The following NEB variants were observed in gnomAD, a reference collection of about 807,000 sequenced individuals.
NEB encodes nebulin, also known as nemaline myopathy type 2.
A neutral mutation model predicts 952.2 loss-of-function variants in NEB; 512 were observed. The observed-to-expected ratio is 0.54, with a 90% CI of 0.50 to 0.58. The LOEUF is 0.58. Among genes scored for constraint, NEB ranks in the 20% least tolerant of loss-of-function variants. NEB has a pLI of 0.00. For missense variants in NEB, 8,428 were observed against 9,231.1 expected, an observed-to-expected ratio of 0.91 and a Z score of 3.56; for synonymous variants, 2,900 against 3,149.8, an observed-to-expected ratio of 0.92 and a Z score of 2.66.
At chr2:151,632,303 T>C (rs1452868098) in intron 65 of NEB, among the ~76,000 whole-genome samples, 1 of 148,550 alleles carries the variant, frequency 6.7e-6, no homozygotes, top group African/African-American at 2.4e-5. Context: ...AACTTGTATT[T>C]TGTAGTCTAG....
intron 58 of NEB, 34 bp downstream of exon 58, chr2:151,643,116 A>G (rs1423045501): frequency 1.3e-6 from 2 of 1,575,264 alleles, no homozygotes; most frequent in East Asian, 2.2e-5. Context: ...AACAAAAAAA[A>G]TTAATAACCT....
Position 151,503,354 on chromosome 2 carries a change from T to C in NEB, c.23830A>G (p.Ser7944Gly), listed in dbSNP as rs1226462332. ...ERVKRNQENF[S>G]SVLYKENLGK... The stretch of plus-strand genomic sequence containing the variant: ...TATGATATATTTGTAAATACCGAGC[T>C]AAAGTTCTCTTGATTGCGTTTGACT... Residue 7944 changes from serine to glycine, a missense_variant, in exon 166 of 182, where the codon AGC (serine) becomes GGC (glycine). Ser to Gly is a moderately conservative substitution (Grantham distance 56, BLOSUM62 0). This residue lies in a region of NEB where 3,374 missense variants were observed against 3,651.5 expected (regional missense o/e 0.92). Transcript: ENST00000397345. The C allele has an allele frequency of 6.2e-7, 1 of 1,606,896 alleles. No homozygotes were observed. The highest frequency in any genetic ancestry group is 1.3e-5 in the African/African-American group (1 of 74,764).
intron 105 of NEB, among the ~76,000 whole-genome samples, chr2:151,578,998 T>G (rs1038547206): frequency 2.2e-4 from 33 of 147,454 alleles, no homozygotes; most frequent in South Asian, 8.5e-4. Flanking sequence ...GGAACATCGC[T>G]TGAACCTGGG....
intron 155 of NEB, 77 bp from the exon 156 acceptor site, chr2:151,518,499 C>T (rs998362271): frequency 7.0e-6 from 6 of 862,852 alleles, no homozygotes; most frequent in East Asian, 4.8e-5. Flanking sequence ...TTAGATTAGA[C>T]GTTTACACAG....
chr2:151,567,556 G>A, intron 113 of NEB, 77 bp from the exon 114 acceptor site: 1 of 1,353,252 alleles, frequency 7.4e-7, no homozygotes, highest in Non-Finnish European at 9.9e-7. Context: ...ATCTACTAAG[G>A]GATATCAGCA....
chr2:151,567,221 G>A lies in NEB; in HGVS notation c.18103C>T (p.Pro6035Ser). 1 of 1,613,726 alleles carries A rather than the reference G, an allele frequency of 6.2e-7. No individual in the cohort carries two copies. Among genetic ancestry groups the A allele is most frequent in the Non-Finnish European group, 8.5e-7 (1 of 1,179,726 alleles). ...RNYLHQWMCH[P>S]DQNDVIQARK... ...GCCTGAATAACATCGTTCTGGTCAG[G>A]ATGACACATCCATTGGTGCAAGTAA... Residue 6035 changes from proline (P) to serine (S), a missense_variant, in exon 114 of 182, where the codon CCT becomes TCT. By Grantham distance (74) the Pro-to-Ser change is moderately conservative. This residue lies in a region of NEB where 3,374 missense variants were observed against 3,651.5 expected (regional missense o/e 0.92). Transcript: ENST00000397345.
intron 10 of NEB, among the ~76,000 whole-genome samples, chr2:151,713,326 T>C (rs1053713302): frequency 6.6e-6 from 1 of 152,202 alleles, no homozygotes; most frequent in Non-Finnish European, 1.5e-5. Flanking sequence ...ATAGAAAAGT[T>C]ATCCCTGCAG....
chr2:151,704,893 C>G (rs2099698715), intron 13 of NEB, among the ~76,000 whole-genome samples: 1 of 152,130 alleles, frequency 6.6e-6, no homozygotes, highest in African/African-American at 2.4e-5. Context: ...CCTCCCCAAA[C>G]TCAAAAAATT....
intron 161 of NEB, among the ~76,000 whole-genome samples, chr2:151,512,410 C>T (rs2075246506): frequency 1.3e-5 from 2 of 151,966 alleles, no homozygotes; most frequent in Admixed American, 6.5e-5. Context: ...ACTGCAGCCT[C>T]AACCGCCTGG....
At chr2:151,704,115 T>TGG (rs2099690079) in intron 13 of NEB, among the ~76,000 whole-genome samples, 1 of 73,352 alleles carries the variant, frequency 1.4e-5, no homozygotes, top group Non-Finnish European at 2.7e-5. Context: ...TGGAATACCC[T>TGG]GCCGTGTGAG....
chr2:151,671,103 G>A lies in NEB; in HGVS notation c.4426C>T (p.Pro1476Ser). 2 of 1,613,930 alleles carry A rather than the reference G, an allele frequency of 1.2e-6. No individual in the cohort carries two copies. Among genetic ancestry groups the A allele is most frequent in the Non-Finnish European group, 1.7e-6 (2 of 1,179,866 alleles). ...ACACTTGTGAACTTGACGGTATCTG[G>A]GTGCTGTCGATACTTCCTCTCATTT... ...ALNERKYRQH[P>S]DTVKFTSVPD... Residue 1476 changes from proline to serine, a missense_variant, in exon 38 of 182, where the codon CCA (proline) becomes TCA (serine). Pro to Ser is a moderately conservative substitution (Grantham distance 74). Transcript: ENST00000397345.
At chr2:151,503,091 A>C in intron 166 of NEB, 1 of 586,838 alleles carries the variant, frequency 1.7e-6, no homozygotes, top group Non-Finnish European at 3.0e-6. Context: ...AATGGAAAGC[A>C]TTAAGTTATA....
intron 27 of NEB, among the ~76,000 whole-genome samples, chr2:151,687,029 T>C (rs903399121): frequency 3.3e-5 from 5 of 152,234 alleles, no homozygotes; most frequent in Non-Finnish European, 2.9e-5. Flanking sequence ...CGATACTCTA[T>C]TAAGATTTTT....
intron 105 of NEB, among the ~76,000 whole-genome samples, chr2:151,578,586 G>A (rs200496403): frequency 1.5e-4 from 23 of 151,698 alleles, no homozygotes; most frequent in East Asian, 1.4e-3. Flanking sequence ...GCTTGAACCC[G>A]GGAGGCAGAG....
chr2:151,698,733 G>A (rs1576780645), intron 13 of NEB, among the ~76,000 whole-genome samples: 2 of 150,898 alleles, frequency 1.3e-5, no homozygotes, highest in South Asian at 4.2e-4. Context: ...TGCCTCCTGG[G>A]TTCATGCCAT....
rs143504634 is a variant in NEB, at chr2:151,718,916, C to T, written c.718-1396G>A. 7.2e-3 allele frequency among the ~76,000 whole-genome samples: 1,095 copies of T among 152,294 alleles called. 7 individuals are homozygous for T. Among genetic ancestry groups the T allele is most frequent in the Non-Finnish European group, 0.012 (824 of 68,026 alleles). ...CAACAATGCAGAACTATTCATAGAT[C>T]CCCAGATACATGAAGCCCTCAGATG... On this transcript the variant is annotated intron_variant, in intron 9 of 181. Coordinates refer to ENST00000397345, the MANE Select transcript of NEB (RefSeq NM_001164508.2).
chr2:151,691,240 G>A (rs1361817428), intron 23 of NEB, among the ~76,000 whole-genome samples: 4 of 151,978 alleles, frequency 2.6e-5, no homozygotes, highest in Non-Finnish European at 4.4e-5. Flanking sequence ...TTCCTTAAAT[G>A]CTGAGCTTGT....
At chr2:151,612,874 C>A (rs1309919116) in intron 77 of NEB, among the ~76,000 whole-genome samples, 1 of 152,164 alleles carries the variant, frequency 6.6e-6, no homozygotes, top group Non-Finnish European at 1.5e-5. Flanking sequence ...TTTTCGTATG[C>A]TTCTATGTAC....
chr2:151,676,903 C>T (rs1393587597), intron 34 of NEB, among the ~76,000 whole-genome samples: 1 of 152,136 alleles, frequency 6.6e-6, no homozygotes, highest in Non-Finnish European at 1.5e-5. Context: ...TAATACAGTG[C>T]CTGGCACATG....
Sources: gnomAD v4.1 joint callset for allele counts (sites outside exome capture counted in the v4.1 genomes callset) on GRCh38, gnomAD v4.1.1 for gene constraint, gnomAD v4.1.1 regional missense constraint, MANE v1.5 for transcripts, NCBI Gene and HGNC (gene_info 2026-07-23, HGNC 2026-07-21) for gene names.